The following NTRK2 variants were observed in gnomAD, a reference collection of about 807,000 sequenced individuals.
NTRK2 encodes the protein BDNF/NT-3 growth factors receptor.
In NTRK2, 13 loss-of-function variants were observed where a neutral mutation model predicts 94.5. The observed-to-expected ratio is 0.14, with a 90% CI of 0.09 to 0.22. NTRK2 has a LOEUF of 0.22. Among genes scored for constraint, NTRK2 ranks in the 10% least tolerant of loss-of-function variants. The pLI is 1.00. For synonymous variants in NTRK2, 372 were observed against 407.4 expected, an observed-to-expected ratio of 0.91 and a Z score of 1.05; for missense variants, 639 against 1,071.2, an observed-to-expected ratio of 0.60 and a Z score of 5.63.
At chr9:84,770,290 A>G (rs1013785511) in intron 12 of NTRK2, among the ~76,000 whole-genome samples, 3 of 152,168 alleles carry the variant, frequency 2.0e-5, no homozygotes, top group Admixed American at 6.5e-5. Context: ...AGGAGTATGA[A>G]AGGTCACCCT....
chr9:84,796,965 A>T (rs961524993), intron 12 of NTRK2, among the ~76,000 whole-genome samples: 4 of 152,212 alleles, frequency 2.6e-5, no homozygotes, highest in Non-Finnish European at 4.4e-5. Flanking sequence ...TATATATGAA[A>T]GTAATAAAGC....
chr9:84,883,560 A>T (rs964553169), intron 14 of NTRK2, among the ~76,000 whole-genome samples: 2 of 152,202 alleles, frequency 1.3e-5, no homozygotes, highest in African/African-American at 4.8e-5. Context: ...GTTTTTGCAT[A>T]ATCAACATGG....
intron 16 of NTRK2, among the ~76,000 whole-genome samples, chr9:84,954,621 A>C (rs1474737031): frequency 6.6e-6 from 1 of 152,190 alleles, no homozygotes; most frequent in East Asian, 1.9e-4. Flanking sequence ...TTGTATTGAG[A>C]ATGAACATCC....
intron 12 of NTRK2, chr9:84,814,865 G>T: frequency 9.4e-7 from 1 of 1,063,098 alleles, no homozygotes. Context: ...CAGCTTAGCT[G>T]ACTTGACTCC....
chr9:84,806,263 C>A (rs752836901), intron 12 of NTRK2, among the ~76,000 whole-genome samples: 9 of 152,164 alleles, frequency 5.9e-5, no homozygotes, highest in Non-Finnish European at 1.2e-4. Context: ...GTGAATGCTT[C>A]AGAAGTTTAG....
rs917001324 is a variant in NTRK2 at position 85,025,820 on chromosome 9, A to G, written c.*4383A>G. The G allele has an allele frequency of 4.3e-6, 1 of 232,358 alleles. No individual in the cohort carries two copies. The highest frequency in any genetic ancestry group is 2.2e-5 in the African/African-American group (1 of 45,290). 14.4% of individuals were successfully genotyped at this position (232,358 alleles called of 1,614,324 possible). A position where few individuals can be genotyped will look rare whatever the true frequency, so the allele number is the denominator to read the frequency against. On this transcript the variant is annotated 3_prime_UTR_variant, in exon 19 of 19. Transcript: ENST00000277120. Reference sequence around the variant, plus strand: ...TCCAAATGTCTAAGTTAGTAGTTACAGCTGATTTTTTATGATGCATAATTG... The same window carrying G: ...TCCAAATGTCTAAGTTAGTAGTTACGGCTGATTTTTTATGATGCATAATTG...
intron 6 of NTRK2, among the ~76,000 whole-genome samples, chr9:84,719,223 AATAAT>A (rs2061904768): frequency 6.6e-6 from 1 of 152,168 alleles, no homozygotes; most frequent in Non-Finnish European, 1.5e-5. Context: ...GACAATGTTG[AATAAT>A]GTATTTGACT....
At chr9:84,935,330 A>T (rs2078179042) in intron 15 of NTRK2, among the ~76,000 whole-genome samples, 1 of 152,242 alleles carries the variant, frequency 6.6e-6, no homozygotes, top group African/African-American at 2.4e-5. Flanking sequence ...TATACTTAAC[A>T]TTAAAATGTT....
At chr9:84,777,837 T>C (rs925792388) in intron 12 of NTRK2, among the ~76,000 whole-genome samples, 8 of 152,222 alleles carry the variant, frequency 5.3e-5, no homozygotes. Flanking sequence ...AGAAACTCTT[T>C]TTTGCAAGAC....
At chr9:84,862,169 G>T (rs35995240) in intron 13 of NTRK2, among the ~76,000 whole-genome samples, 1,921 of 152,272 alleles carry the variant, frequency 0.013, 20 homozygotes, top group Non-Finnish European at 0.022. Context: ...GTGGAGACTT[G>T]GCAAAGTTAG....
At chr9:84,677,766 C>A (rs72737651) in intron 2 of NTRK2, among the ~76,000 whole-genome samples, 8,286 of 152,204 alleles carry the variant, frequency 0.054, 363 homozygotes, top group African/African-American at 0.11. Context: ...ACAGATTAAA[C>A]TTCATGCAGT....
At chr9:84,802,395 T>C (rs1278861544) in intron 12 of NTRK2, among the ~76,000 whole-genome samples, 1 of 152,234 alleles carries the variant, frequency 6.6e-6, no homozygotes, top group Non-Finnish European at 1.5e-5. Flanking sequence ...AGGGACTTCC[T>C]GCGCTCCAAC....
At chr9:84,931,889 A>T (rs1295343802) in intron 14 of NTRK2, among the ~76,000 whole-genome samples, 3 of 152,180 alleles carry the variant, frequency 2.0e-5, no homozygotes, top group African/African-American at 7.2e-5. Context: ...TTGTGTCTTT[A>T]TATGGGCACT....
intron 14 of NTRK2, among the ~76,000 whole-genome samples, chr9:84,925,361 C>T (rs1001781258): frequency 1.3e-5 from 2 of 152,096 alleles, no homozygotes; most frequent in African/African-American, 2.4e-5. Context: ...CGCCCCCTCC[C>T]GTTTCCCACA....
At chr9:85,014,809 T>C (rs1452186981) in intron 17 of NTRK2, among the ~76,000 whole-genome samples, 2 of 152,248 alleles carry the variant, frequency 1.3e-5, no homozygotes, top group African/African-American at 2.4e-5. Context: ...CAGGCCTGGG[T>C]ATTTTAACTA....
chr9:84,986,842 A>G (rs1003947560), intron 17 of NTRK2, among the ~76,000 whole-genome samples: 6 of 152,250 alleles, frequency 3.9e-5, no homozygotes, highest in Non-Finnish European at 7.3e-5. Context: ...GTTTAAGTCC[A>G]GAAAGGTAAT....
At chr9:85,020,809 A>G (rs779445137) in intron 18 of NTRK2, among the ~76,000 whole-genome samples, 3 of 152,154 alleles carry the variant, frequency 2.0e-5, no homozygotes, top group Non-Finnish European at 2.9e-5. Context: ...TATTGTTTAT[A>G]TTTGAGGCAC....
intron 14 of NTRK2, among the ~76,000 whole-genome samples, chr9:84,923,051 A>G (rs1407993296): frequency 6.6e-6 from 1 of 152,090 alleles, no homozygotes; most frequent in Non-Finnish European, 1.5e-5. Context: ...GTGACCCTCC[A>G]CCTTTCAGAC....
chr9:84,995,847 A>T (rs2133359953), intron 17 of NTRK2, among the ~76,000 whole-genome samples: 1 of 152,354 alleles, frequency 6.6e-6, no homozygotes, highest in East Asian at 1.9e-4. Context: ...TTAATTCAAT[A>T]GATGACATTC....
Sources: allele counts gnomAD v4.1 joint callset (sites outside exome capture counted in the v4.1 genomes callset), GRCh38; gene constraint gnomAD v4.1.1; transcripts MANE v1.5; gene names NCBI Gene and HGNC (gene_info 2026-07-23, HGNC 2026-07-21).